Variants in MAF observed in about 807,000 individuals in gnomAD.
MAF encodes the protein MAF bZIP transcription factor, also known as transcription factor Maf.
A neutral mutation model predicts 22.0 loss-of-function variants in MAF; 10 were observed. The observed-to-expected ratio is 0.45, with a 90% CI of 0.28 to 0.77. MAF has a LOEUF of 0.77. Among genes scored for constraint, MAF ranks in the 30% least tolerant of loss-of-function variants. MAF has a pLI of 0.12. For missense variants in MAF, 544 were observed against 548.4 expected, an observed-to-expected ratio of 0.99 and a Z score of 0.08; for synonymous variants, 337 against 255.8, an observed-to-expected ratio of 1.32 and a Z score of -3.03.
At chr16:79,523,906 A>C in the MAF span, among the ~76,000 whole-genome samples, 3 of 152,200 alleles carry the variant, frequency 2.0e-5, no homozygotes, top group Non-Finnish European at 4.4e-5. Context: ...GAATCTGCAA[A>C]GTTTATTGTG....
the MAF span, among the ~76,000 whole-genome samples, chr16:79,527,950 T>C: frequency 1.3e-5 from 2 of 152,136 alleles, no homozygotes; most frequent in East Asian, 1.9e-4. Flanking sequence ...AAGACCAGCC[T>C]GGCCAACATG....
chr16:79,425,693 C>A, the MAF span, among the ~76,000 whole-genome samples: 1 of 151,344 alleles, frequency 6.6e-6, no homozygotes, highest in Non-Finnish European at 1.5e-5. Flanking sequence ...CGGAGTCTCC[C>A]TCTTTTTTTC....
the MAF span, among the ~76,000 whole-genome samples, chr16:79,279,211 T>C: frequency 2.0e-5 from 3 of 152,020 alleles, no homozygotes; most frequent in African/African-American, 4.8e-5. Context: ...CTCCACCCCC[T>C]CATTCTCACC....
the MAF span, among the ~76,000 whole-genome samples, chr16:79,373,444 G>A: frequency 8.0e-6 from 1 of 124,606 alleles, no homozygotes; most frequent in Non-Finnish European, 1.6e-5. Context: ...GTGCAATGGA[G>A]TGATCTCAGC....
At chr16:79,416,796 T>C in the MAF span, among the ~76,000 whole-genome samples, 11 of 152,268 alleles carry the variant, frequency 7.2e-5, no homozygotes, top group Admixed American at 4.6e-4. Context: ...CTGTAGAAAG[T>C]TGGGGAAGCC....
the MAF span, among the ~76,000 whole-genome samples, chr16:79,235,922 A>C: frequency 6.6e-6 from 1 of 151,992 alleles, no homozygotes; most frequent in Non-Finnish European, 1.5e-5. Flanking sequence ...ACTGCAAGCC[A>C]AGCCGCCCAG....
chr16:79,599,341 CGTGGTGGTG>C lies in MAF; in HGVS notation c.553_561del (p.His185_His187del), dbSNP rs1029898670. 4 of 987,396 alleles carry C rather than the reference CGTGGTGGTG, an allele frequency of 4.1e-6. No homozygotes were observed. Among genetic ancestry groups the C allele is most frequent in the African/African-American group, 1.8e-5 (1 of 56,566 alleles). 61.2% of individuals were successfully genotyped at this position (987,396 alleles called of 1,614,324 possible). On this transcript the variant is annotated inframe_deletion, in exon 1 of 2. Coordinates refer to ENST00000326043, the MANE Select transcript of MAF (RefSeq NM_005360.5). ...GTCGGGTGGTGGTGGTGGCCGGCGGCGTGGTGGTGGTGGTGGTGGTAGTGCGGGCCCGCG... is the reference window on the plus strand; with the variant it reads ...GTCGGGTGGTGGTGGTGGCCGGCGGCGTGGTGGTGGTAGTGCGGGCCCGCG...
chr16:79,340,287 T>A, the MAF span, among the ~76,000 whole-genome samples: 4 of 151,896 alleles, frequency 2.6e-5, no homozygotes, highest in African/African-American at 9.7e-5. Context: ...TGGTGTCTCT[T>A]CAAAAAGATG....
the MAF span, among the ~76,000 whole-genome samples, chr16:79,253,628 TTCTAC>T: frequency 6.6e-6 from 1 of 152,066 alleles, no homozygotes; most frequent in East Asian, 1.9e-4. Context: ...GATAACGTTT[TTCTAC>T]TCCTTTCTTC....
chr16:79,263,022 C>G, the MAF span, among the ~76,000 whole-genome samples: 2 of 152,140 alleles, frequency 1.3e-5, no homozygotes, highest in Non-Finnish European at 2.9e-5. Context: ...TCATTTCACC[C>G]ATAGGATGTG....
chr16:79,260,732 T>C, the MAF span, among the ~76,000 whole-genome samples: 1 of 152,202 alleles, frequency 6.6e-6, no homozygotes, highest in Non-Finnish European at 1.5e-5. Context: ...TAAATGTTCT[T>C]CATTTTCACA....
chr16:79,234,717 G>C, the MAF span, among the ~76,000 whole-genome samples: 7,732 of 152,102 alleles, frequency 0.051, 334 homozygotes, highest in Middle Eastern at 0.085. Context: ...ATCCAGGAAA[G>C]GGTTAGCTGA....
At chr16:79,540,985 G>A in the MAF span, among the ~76,000 whole-genome samples, 1 of 151,512 alleles carries the variant, frequency 6.6e-6, no homozygotes, top group Non-Finnish European at 1.5e-5. Flanking sequence ...TATTTACTAC[G>A]GTTACTACAA....
At chr16:79,293,589 G>C in the MAF span, among the ~76,000 whole-genome samples, 2 of 152,212 alleles carry the variant, frequency 1.3e-5, no homozygotes, top group African/African-American at 4.8e-5. Context: ...AAATTGCTCA[G>C]TGAGGTCAGA....
chr16:79,344,435 G>T, the MAF span, among the ~76,000 whole-genome samples: 1 of 152,162 alleles, frequency 6.6e-6, no homozygotes, highest in Admixed American at 6.5e-5. Flanking sequence ...GGACAATTTT[G>T]AACCTGGAAG....
chr16:79,463,344 T>C, the MAF span, among the ~76,000 whole-genome samples: 31 of 152,328 alleles, frequency 2.0e-4, no homozygotes, highest in African/African-American at 7.0e-4. Flanking sequence ...TTTAATAAGA[T>C]CACTCTTGCT....
the MAF span, among the ~76,000 whole-genome samples, chr16:79,375,116 TG>T: frequency 6.6e-6 from 1 of 152,192 alleles, no homozygotes; most frequent in Non-Finnish European, 1.5e-5. Context: ...AATAAATAAA[TG>T]ACTACACAAG....
chr16:79,535,848 G>A, the MAF span, among the ~76,000 whole-genome samples: 4 of 152,070 alleles, frequency 2.6e-5, no homozygotes, highest in African/African-American at 9.7e-5. Context: ...TGGGATTACA[G>A]GCATGAGCCA....
At chr16:79,358,415 T>C in the MAF span, among the ~76,000 whole-genome samples, 5 of 152,028 alleles carry the variant, frequency 3.3e-5, no homozygotes, top group African/African-American at 1.2e-4. Flanking sequence ...CCCCTAGCTG[T>C]GATTATTTTT....
Sources: gnomAD v4.1 joint callset for allele counts (sites outside exome capture counted in the v4.1 genomes callset) on GRCh38, gnomAD v4.1.1 for gene constraint, MANE v1.5 for transcripts, NCBI Gene and HGNC (gene_info 2026-07-23, HGNC 2026-07-21) for gene names.